ABCC11: variants seen among roughly 807,000 people sequenced by gnomAD.
The protein encoded by ABCC11 is ATP-binding cassette sub-family C member 11.
In ABCC11, 135 loss-of-function variants were observed where a neutral mutation model predicts 149.3. The ratio of observed to expected loss-of-function variants is 0.90; its 90% CI spans 0.79 to 1.04. ABCC11 has a LOEUF of 1.04. Among genes scored for constraint, ABCC11 ranks in the 50% least tolerant of loss-of-function variants. ABCC11 has a pLI of 0.00. For synonymous variants in ABCC11, 665 were observed against 671.4 expected, an observed-to-expected ratio of 0.99 and a Z score of 0.15; for missense variants, 1,680 against 1,722.1, an observed-to-expected ratio of 0.98 and a Z score of 0.43.
At chr16:48,172,296 C>G (rs1325961661) in intron 26 of ABCC11, among the ~76,000 whole-genome samples, 1 of 152,060 alleles carries the variant, frequency 6.6e-6, no homozygotes, top group Non-Finnish European at 1.5e-5. Context: ...TTGTTTCCAC[C>G]TTTTGATTAC....
At chr16:48,202,616 C>CAA (rs1348026435) in intron 14 of ABCC11, among the ~76,000 whole-genome samples, 29 of 120,400 alleles carry the variant, frequency 2.4e-4, no homozygotes, top group Non-Finnish European at 4.5e-4. Context: ...GACTCCCCTT[C>CAA]AAAAAAAAAA....
chr16:48,179,489 C>T (rs1183438610), intron 23 of ABCC11, among the ~76,000 whole-genome samples: 8 of 152,326 alleles, frequency 5.3e-5, no homozygotes, highest in South Asian at 2.1e-4. Flanking sequence ...GCAAACAGGA[C>T]GTGCAGGGGG....
At chr16:48,203,089 C>T in intron 14 of ABCC11, 139 bp downstream of exon 14, 2 of 949,804 alleles carry the variant, frequency 2.1e-6, no homozygotes. Flanking sequence ...AAGCTTTGCT[C>T]CTCCTGCAGC....
intron 1 of ABCC11, among the ~76,000 whole-genome samples, chr16:48,234,540 T>C (rs1183232578): frequency 6.6e-6 from 1 of 152,178 alleles, no homozygotes; most frequent in African/African-American, 2.4e-5. Flanking sequence ...GGGCACATCA[T>C]TTTCCAATTC....
At chr16:48,182,778 A>G (rs1408487820) in intron 23 of ABCC11, among the ~76,000 whole-genome samples, 1 of 148,292 alleles carries the variant, frequency 6.7e-6, no homozygotes, top group Non-Finnish European at 1.5e-5. Context: ...GCAAGACTCC[A>G]TCTCAAAAAA....
intron 23 of ABCC11, among the ~76,000 whole-genome samples, chr16:48,182,782 CAAAAAAA>C (rs558410509): frequency 1.4e-5 from 1 of 73,456 alleles, no homozygotes; most frequent in South Asian, 4.4e-4. Flanking sequence ...GACTCCATCT[CAAAAAAA>C]AAAAAAAAAA....
chr16:48,211,468 T>A (rs550130959), intron 10 of ABCC11, among the ~76,000 whole-genome samples: 1 of 152,310 alleles, frequency 6.6e-6, no homozygotes, highest in East Asian at 1.9e-4. Context: ...CTCAGGAGGT[T>A]GACTAAGGCC....
chr16:48,235,706 T>C (rs1204430111), intron 1 of ABCC11, among the ~76,000 whole-genome samples: 1 of 152,116 alleles, frequency 6.6e-6, no homozygotes, highest in East Asian at 1.9e-4. Flanking sequence ...GTTTATTCAC[T>C]CTAATTGGTG....
intron 25 of ABCC11, among the ~76,000 whole-genome samples, chr16:48,176,662 T>TTTATTTCCTCCCC (rs1212273992): frequency 2.6e-5 from 4 of 152,174 alleles, no homozygotes; most frequent in African/African-American, 9.7e-5. Flanking sequence ...TACCACCCTG[T>TTTATTTCCTCCCC]GGCAGCCACC....
chr16:48,211,685 A>G (rs1243340932), intron 10 of ABCC11, among the ~76,000 whole-genome samples: 2 of 152,174 alleles, frequency 1.3e-5, no homozygotes, highest in African/African-American at 4.8e-5. Flanking sequence ...TCTCTTTAAA[A>G]AAAAAAAAAT....
intron 1 of ABCC11, among the ~76,000 whole-genome samples, chr16:48,239,436 C>T (rs1280118858): frequency 6.6e-6 from 1 of 151,944 alleles, no homozygotes; most frequent in South Asian, 2.1e-4. Flanking sequence ...GTGGCAGATG[C>T]CTGTAGTCCC....
At chr16:48,208,851 A>C (rs1968667532) in intron 11 of ABCC11, among the ~76,000 whole-genome samples, 1 of 152,192 alleles carries the variant, frequency 6.6e-6, no homozygotes, top group Non-Finnish European at 1.5e-5. Flanking sequence ...GGGAATAAAG[A>C]AGCCAGCCTC....
Position 48,211,087 on chromosome 16 carries a change from A to T in ABCC11, c.1469T>A (p.Ile490Asn). The T allele has an allele frequency of 6.2e-7, 1 of 1,614,180 alleles. No individual in the cohort carries two copies. Among genetic ancestry groups the T allele is most frequent in the Non-Finnish European group, 8.5e-7 (1 of 1,180,026 alleles). The change falls in exon 11 of 30, where the codon ATC becomes AAC. Residue 490 changes from isoleucine (I) to asparagine (N), a missense_variant. Coordinates refer to ENST00000356608, the MANE Select transcript of ABCC11 (RefSeq NM_001370497.1). The part of the protein sequence containing the change: ...TLSWQQTCPG[I>N]VNGALELERN... The stretch of plus-strand genomic sequence containing the variant: ...CTCCAGCTCCAGTGCCCCATTGACG[A>T]TCCCGGGACAGGTCTGTTGCCATGA...
rs1340209965 is a variant in ABCC11 at position 48,166,069 on chromosome 16, A to C, written c.*1205T>G. On this transcript the variant is annotated 3_prime_UTR_variant, in exon 30 of 30. Coordinates refer to ENST00000356608, the MANE Select transcript of ABCC11 (RefSeq NM_001370497.1). ...GCTATCTGGGGCCTGGCCAGCATCC[A>C]TATCCATTCTTCCCTCAGGCACAAT... is the stretch of plus-strand genomic sequence containing the variant. Among the ~76,000 whole-genome samples the C allele has an allele frequency of 1.3e-5, 2 of 152,230 alleles. No individual in the cohort carries two copies. Among genetic ancestry groups the C allele is most frequent in the Non-Finnish European group, 2.9e-5 (2 of 68,038 alleles).
chr16:48,219,368 G>C (rs778491051), intron 6 of ABCC11, among the ~76,000 whole-genome samples: 1 of 151,984 alleles, frequency 6.6e-6, no homozygotes, highest in Non-Finnish European at 1.5e-5. Context: ...ATGGGATTTC[G>C]CTCTGTTGCC....
intron 23 of ABCC11, among the ~76,000 whole-genome samples, chr16:48,181,029 C>T (rs182998551): frequency 6.6e-6 from 1 of 152,332 alleles, no homozygotes; most frequent in East Asian, 1.9e-4. Flanking sequence ...GTGAACAGTG[C>T]ACCCTGGGAG....
chr16:48,244,330 C>G (rs1458356611), intron 1 of ABCC11: 4 of 1,294,144 alleles, frequency 3.1e-6, no homozygotes, highest in Non-Finnish European at 4.1e-6. Flanking sequence ...GCGGGGCAGG[C>G]CGGGGGCAGC....
At position 48,216,278 on chromosome 16, in the gene ABCC11, A is replaced by C. The variant is rs760129576; in HGVS notation, c.787T>G (p.Phe263Val). The C allele has an allele frequency of 1.9e-6, 3 of 1,612,850 alleles. No individual in the cohort carries two copies. The African/African-American group carries it at 4.0e-5, about 22-fold the overall frequency. Residue 263 changes from phenylalanine (F) to valine (V), a missense_variant, in exon 7 of 30, where the codon TTC becomes GTC. Physicochemically the swap from Phe to Val is conservative, Grantham distance 50. Coordinates refer to ENST00000356608, the MANE Select transcript of ABCC11 (RefSeq NM_001370497.1). ...IHITSGEAIS[F>V]FTGDVNYLFE... ...AGGTAGTTTACATCACCGGTGAAGA[A>C]GCTGATGGCCTGCAAGACAGCAAGT... is the stretch of plus-strand genomic sequence containing the variant.
Position 48,167,285 on chromosome 16 carries a change from A to C in ABCC11, c.4138T>G (p.Ser1380Ala). The change falls in exon 30 of 30, where the codon TCA becomes GCA. Residue 1380 changes from serine (S) to alanine (A), a missense_variant. Physicochemically the swap from Ser to Ala is moderately conservative, Grantham distance 99. Coordinates refer to ENST00000356608, the MANE Select transcript of ABCC11 (RefSeq NM_001370497.1). ...FAALMATATS[S>A]LR ...GTCTCCACATCTCCTTATCTCAGTG[A>C]AGAAGTGGCTGTGGCCATGAGGGCT... 1.2e-6 allele frequency: 1 copy of C among 820,524 alleles called. No homozygotes were observed. Among genetic ancestry groups the C allele is most frequent in the Non-Finnish European group, 2.2e-6 (1 of 454,414 alleles). The allele number at this position is 820,524 out of a possible 1,614,324, so 50.8% of individuals were successfully genotyped here.
Sources: gnomAD v4.1 joint callset for allele counts (sites outside exome capture counted in the v4.1 genomes callset) on GRCh38, gnomAD v4.1.1 for gene constraint, MANE v1.5 for transcripts, NCBI Gene and HGNC (gene_info 2026-07-23, HGNC 2026-07-21) for gene names.